DCLRE1C: variants seen among roughly 807,000 people sequenced by gnomAD.
DCLRE1C encodes the protein protein artemis.
A neutral mutation model predicts 61.4 loss-of-function variants in DCLRE1C; 47 were observed. The observed-to-expected ratio is 0.77, with a 90% CI of 0.61 to 0.98. DCLRE1C has a LOEUF of 0.98. DCLRE1C is among the 50% of genes least tolerant of loss of function. DCLRE1C has a pLI of 0.00. For synonymous variants in DCLRE1C, 337 were observed against 287.6 expected (o/e 1.17, Z -1.74); for missense variants, 858 against 816.0 (o/e 1.05, Z -0.63).
upstream of DCLRE1C, chr10:14,954,410 C>G (rs572779950): frequency 1.8e-5 from 6 of 325,640 alleles, no homozygotes; most frequent in Non-Finnish European, 3.6e-5. Context: ...CGGAACTGCG[C>G]TTAGAAATCA....
chr10:14,921,418 C>T (rs540693779), intron 12 of DCLRE1C, among the ~76,000 whole-genome samples: 2 of 152,308 alleles, frequency 1.3e-5, no homozygotes, highest in East Asian at 3.9e-4. Flanking sequence ...TAAGTCTCAG[C>T]TATTTTAAGA....
downstream of DCLRE1C, chr10:14,899,762 C>T (rs1244219163): frequency 6.7e-7 from 1 of 1,498,972 alleles, no homozygotes; most frequent in African/African-American, 1.4e-5. Context: ...AAGAATAATT[C>T]CCTTTAAACT....
chr10:14,915,638 T>A (rs1836056138), intron 13 of DCLRE1C, among the ~76,000 whole-genome samples: 1 of 150,742 alleles, frequency 6.6e-6, no homozygotes, highest in South Asian at 2.1e-4. Flanking sequence ...ACATTTGTAG[T>A]TAAAAAAAAA....
intron 1 of DCLRE1C, 71 bp from the exon 2 acceptor site, chr10:14,949,158 G>A (rs997869421): frequency 2.2e-5 from 24 of 1,086,634 alleles, no homozygotes; most frequent in Admixed American, 7.4e-5. Context: ...GGAAACAGTC[G>A]TCTTCTTTTT....
chr10:14,944,759 T>C (rs1257574758), intron 3 of DCLRE1C, among the ~76,000 whole-genome samples: 1 of 149,524 alleles, frequency 6.7e-6, no homozygotes, highest in African/African-American at 2.5e-5. Flanking sequence ...ATTGCAACCA[T>C]TGCTTCCTGG....
chr10:14,901,771 C>T (rs1443718233), downstream of DCLRE1C, among the ~76,000 whole-genome samples: 2 of 151,628 alleles, frequency 1.3e-5, no homozygotes, highest in African/African-American at 4.8e-5. Context: ...GTTGGGGCTA[C>T]AGTTGAGCTG....
intron 13 of DCLRE1C, among the ~76,000 whole-genome samples, chr10:14,911,602 GC>G (rs1835270416): frequency 6.6e-6 from 1 of 152,088 alleles, no homozygotes; most frequent in Admixed American, 6.6e-5. Context: ...CAAAGCATAT[GC>G]AATAAAAGAA....
chr10:14,908,386 T>C lies in DCLRE1C; in HGVS notation c.*22A>G. The C allele has an allele frequency of 6.3e-7, 1 of 1,583,006 alleles. No homozygotes were observed. Among genetic ancestry groups the C allele is most frequent in the Non-Finnish European group, 8.7e-7 (1 of 1,152,614 alleles). ...TGTGCAGGTTTTTTAGTGGTTGCTC[T>C]AGGTTGAAACGCTTTGAATTCTTAG... On this transcript the variant is annotated 3_prime_UTR_variant, in exon 14 of 14. Coordinates refer to ENST00000378278, the MANE Select transcript of DCLRE1C (RefSeq NM_001033855.3).
At chr10:14,927,163 CCTGAG>C (rs1330251531) in intron 10 of DCLRE1C, among the ~76,000 whole-genome samples, 1 of 152,148 alleles carries the variant, frequency 6.6e-6, no homozygotes, top group African/African-American at 2.4e-5. Flanking sequence ...GTACGGATTG[CCTGAG>C]CTCAGGAGTT....
At chr10:14,946,216 C>T (rs1589142754) in intron 2 of DCLRE1C, among the ~76,000 whole-genome samples, 2 of 151,712 alleles carry the variant, frequency 1.3e-5, no homozygotes, top group South Asian at 4.2e-4. Context: ...CCGTGTTGGC[C>T]AGGCTGGTCT....
chr10:14,908,280 T>C lies in DCLRE1C; in HGVS notation c.*128A>G. 1 of 772,440 alleles carries C rather than the reference T, an allele frequency of 1.3e-6. No homozygotes were observed. The highest frequency in any genetic ancestry group is 1.6e-5 in the South Asian group (1 of 63,362). The allele number at this position is 772,440 out of a possible 1,614,324, so 47.8% of individuals were successfully genotyped here. ...CACCTCAAAGTGCTGGGATTACAAGTGTGAGCCACCACACCCAACCAGGTT... is the reference window on the plus strand; with the variant it reads ...CACCTCAAAGTGCTGGGATTACAAGCGTGAGCCACCACACCCAACCAGGTT... On this transcript the variant is annotated 3_prime_UTR_variant, in exon 14 of 14. Transcript: ENST00000378278.
At chr10:14,910,408 T>A (rs947619456) in intron 13 of DCLRE1C, among the ~76,000 whole-genome samples, 2 of 152,154 alleles carry the variant, frequency 1.3e-5, no homozygotes, top group Non-Finnish European at 2.9e-5. Context: ...TTTTTGAGTT[T>A]TATACAGTCA....
intron 13 of DCLRE1C, among the ~76,000 whole-genome samples, chr10:14,913,824 C>A (rs1835706036): frequency 1.3e-5 from 2 of 152,118 alleles, no homozygotes; most frequent in South Asian, 4.1e-4. Context: ...ACTTGAGCAT[C>A]TGCAGATTTT....
chr10:14,908,860 T>C lies in DCLRE1C; in HGVS notation c.1627A>G (p.Ile543Val), dbSNP rs777250271. ...CAGCCTTGACTTCCTTGTTCTGTTA[T>C]GTGTGTTGACTGGGAAGAATTCTGG... ...SSQNSSQSTH[I>V]TEQGSQGWDS... Residue 543 changes from isoleucine to valine, a missense_variant, in exon 14 of 14, where the codon ATA becomes GTA. Physicochemically the swap from Ile to Val is conservative, Grantham distance 29 (BLOSUM62 3). This residue lies in a region of DCLRE1C where 843 missense variants were observed against 783.5 expected (regional missense o/e 1.08). Coordinates refer to ENST00000378278, the MANE Select transcript of DCLRE1C (RefSeq NM_001033855.3). 1.3e-5 allele frequency: 21 copies of C among 1,614,116 alleles called. No homozygotes were observed. Among genetic ancestry groups the C allele is most frequent in the African/African-American group, 9.3e-5 (7 of 74,940 alleles).
intron 5 of DCLRE1C, 107 bp from the exon 6 acceptor site, chr10:14,935,671 CAATA>C: frequency 1.6e-5 from 18 of 1,096,320 alleles, no homozygotes; most frequent in Non-Finnish European, 2.5e-5. Context: ...ATATCCATTA[CAATA>C]CAATGGTAAT....
chr10:14,950,706 T>G (rs1842340435), intron 1 of DCLRE1C, among the ~76,000 whole-genome samples: 3 of 152,212 alleles, frequency 2.0e-5, no homozygotes, highest in African/African-American at 7.2e-5. Flanking sequence ...ATGCAGACTC[T>G]GCATCCTGCT....
chr10:14,935,354 T>C lies in DCLRE1C; in HGVS notation c.464+109A>G, dbSNP rs1267583485. 6.6e-6 allele frequency: 8 copies of C among 1,220,998 alleles called. No individual in the cohort carries two copies. The African/African-American group carries it at 1.2e-4, about 19-fold the overall frequency. 75.6% of individuals were successfully genotyped at this position (1,220,998 alleles called of 1,614,324 possible). ...GGTGGCACGTACCTGTTATCCCAGC[T>C]ACTTGGGAGGCTGAGGCAGGAGAAT... On this transcript the variant is annotated intron_variant, in intron 6 of 13. Transcript: ENST00000378278.
In DCLRE1C at chr10:14,907,362, C is replaced by T. The variant is rs1834496218; in HGVS notation, c.*1046G>A. ...AAAGATATGATCATGCTGAATGTTC[C>T]ATGTGTACTTCAGGAGATACATTCT... On this transcript the variant is annotated 3_prime_UTR_variant, in exon 14 of 14. Coordinates refer to ENST00000378278, the MANE Select transcript of DCLRE1C (RefSeq NM_001033855.3). 6.7e-6 allele frequency among the ~76,000 whole-genome samples: 1 copy of T among 150,316 alleles called. No individual in the cohort carries two copies. Among genetic ancestry groups the T allele is most frequent in the African/African-American group, 2.5e-5 (1 of 40,664 alleles).
At chr10:14,919,982 C>A in intron 12 of DCLRE1C, 150 bp from the exon 13 acceptor site, 1 of 696,534 alleles carries the variant, frequency 1.4e-6, no homozygotes, top group Non-Finnish European at 2.5e-6. Context: ...GGAAATCACA[C>A]AACTACTTTG....
Sources: allele counts gnomAD v4.1 joint callset (sites outside exome capture counted in the v4.1 genomes callset), GRCh38; gene constraint gnomAD v4.1.1; regional missense constraint gnomAD v4.1.1; transcripts MANE v1.5; gene names NCBI Gene and HGNC (gene_info 2026-07-23, HGNC 2026-07-21).